LHFPL3: variants seen among roughly 807,000 people sequenced by gnomAD.
LHFPL3 encodes the protein LHFPL tetraspan subfamily member 3 protein.
Under a neutral mutation model 19.3 loss-of-function variants are expected in LHFPL3, and 5 were observed. The ratio of observed to expected loss-of-function variants is 0.26; its 90% CI spans 0.14 to 0.54. The LOEUF (loss-of-function observed/expected upper bound fraction) is 0.54. Among genes scored for constraint, LHFPL3 ranks in the 20% least tolerant of loss-of-function variants. The probability of loss-of-function intolerance (pLI) is 0.94; values close to 1 mark genes in which losing one functional copy is unlikely to be tolerated. For synonymous variants in LHFPL3, 133 were observed against 126.2 expected, an observed-to-expected ratio of 1.05 and a Z score of -0.36; for missense variants, 249 against 307.4, an observed-to-expected ratio of 0.81 and a Z score of 1.42.
chr7:104,855,274 C>G (rs1271270758), intron 2 of LHFPL3, among the ~76,000 whole-genome samples: 2 of 152,132 alleles, frequency 1.3e-5, no homozygotes, highest in African/African-American at 4.8e-5. Context: ...AGCTTAAATC[C>G]TTAGAGAAAT....
chr7:104,489,227 C>T lies in LHFPL3; in HGVS notation c.445+160003C>T, dbSNP rs1174383293. On this transcript the variant is annotated intron_variant, in intron 1 of 2. Transcript: ENST00000424859. The stretch of plus-strand genomic sequence containing the variant: ...CCTCCCAAGTAGCTGGGACTACAGG[C>T]GCCCGCCACTACGCCCGGCTAATTT... Among the ~76,000 whole-genome samples, 10 of 93,554 alleles carry T rather than the reference C, an allele frequency of 1.1e-4. 3 individuals are homozygous for T. Among genetic ancestry groups the T allele is most frequent in the African/African-American group, 2.7e-4 (8 of 29,976 alleles). 61.4% of individuals were successfully genotyped at this position (93,554 alleles called of 152,430 possible).
At chr7:104,698,080 GCT>G (rs780181484) in intron 1 of LHFPL3, among the ~76,000 whole-genome samples, 74 of 152,286 alleles carry the variant, frequency 4.9e-4, no homozygotes, top group Non-Finnish European at 1.0e-3. Flanking sequence ...AGAGGAACGT[GCT>G]CAGCAGTCAG....
At chr7:104,863,398 C>T (rs1374714588) in intron 2 of LHFPL3, among the ~76,000 whole-genome samples, 1 of 152,164 alleles carries the variant, frequency 6.6e-6, no homozygotes, top group Non-Finnish European at 1.5e-5. Flanking sequence ...AATAGCAGCA[C>T]AGTTTAAGCC....
Position 104,666,722 on chromosome 7 carries a change from C to T in LHFPL3, c.446-69953C>T, listed in dbSNP as rs139253039. 5.2e-3 allele frequency among the ~76,000 whole-genome samples: 781 copies of T among 150,874 alleles called. 45 individuals are homozygous for T. The East Asian group carries it at 0.11, about 22-fold the overall frequency. On this transcript the variant is annotated intron_variant, in intron 1 of 2. Transcript: ENST00000424859. Reference sequence around the variant, plus strand: ...ATTTTTAGTACAGACGGGGTTTCACCGTTTTTAGCCGGGATGGTCTCGATC... The same window carrying T: ...ATTTTTAGTACAGACGGGGTTTCACTGTTTTTAGCCGGGATGGTCTCGATC...
intron 2 of LHFPL3, among the ~76,000 whole-genome samples, chr7:104,897,904 T>A (rs751316302): frequency 6.6e-6 from 1 of 150,524 alleles, no homozygotes; most frequent in Non-Finnish European, 1.5e-5. Flanking sequence ...ATAAAGGTAG[T>A]AGAAAAAGAA....
intron 1 of LHFPL3, among the ~76,000 whole-genome samples, chr7:104,700,219 T>C (rs879318628): frequency 1.3e-5 from 2 of 152,190 alleles, no homozygotes; most frequent in Non-Finnish European, 2.9e-5. Context: ...TTTTCTCTTG[T>C]TTCTTCCCAA....
rs78466361 is a variant in LHFPL3 at position 104,426,648 on chromosome 7, G to A, written c.445+97424G>A. Among the ~76,000 whole-genome samples the A allele has an allele frequency of 2.3e-3, 343 of 152,270 alleles. 6 individuals carry two copies. In the East Asian group the frequency reaches 0.046, roughly 20 times the overall value. On this transcript the variant is annotated intron_variant, in intron 1 of 2. Coordinates refer to ENST00000424859, the MANE Select transcript of LHFPL3 (RefSeq NM_199000.3). ...AGGACCCAATAAAGAGAAGTTTAGA[G>A]AATTTAAAAATAGGTTTGTGCCAGG... is the stretch of plus-strand genomic sequence containing the variant.
intron 1 of LHFPL3, among the ~76,000 whole-genome samples, chr7:104,669,905 A>G (rs1271019358): frequency 2.0e-5 from 3 of 152,284 alleles, no homozygotes; most frequent in Non-Finnish European, 4.4e-5. Context: ...ACAGTGATAT[A>G]ACGCCTGGAA....
intron 1 of LHFPL3, among the ~76,000 whole-genome samples, chr7:104,549,328 C>A (rs557584809): frequency 9.9e-5 from 15 of 151,718 alleles, no homozygotes; most frequent in Non-Finnish European, 2.2e-4. Flanking sequence ...ATCAGTGTTA[C>A]GCACATGGTA....
At chr7:104,520,732 C>T (rs1367532203) in intron 1 of LHFPL3, among the ~76,000 whole-genome samples, 7 of 135,962 alleles carry the variant, frequency 5.1e-5, no homozygotes, top group Admixed American at 1.6e-4. Context: ...AGTTTATTTG[C>T]GTAGAGGTGT....
At chr7:104,880,369 T>C (rs1792023841) in intron 2 of LHFPL3, among the ~76,000 whole-genome samples, 1 of 152,228 alleles carries the variant, frequency 6.6e-6, no homozygotes, top group Non-Finnish European at 1.5e-5. Flanking sequence ...GAGATGCTGC[T>C]GCCATGCTTG....
chr7:104,388,853 A>G (rs887432413), intron 1 of LHFPL3, among the ~76,000 whole-genome samples: 1 of 152,130 alleles, frequency 6.6e-6, no homozygotes, highest in Admixed American at 6.5e-5. Context: ...AGTGTTCAAC[A>G]AACTAGAAAT....
At chr7:104,787,360 T>C (rs1211743857) in intron 2 of LHFPL3, among the ~76,000 whole-genome samples, 1 of 152,206 alleles carries the variant, frequency 6.6e-6, no homozygotes, top group East Asian at 1.9e-4. Context: ...GTTATTGTCT[T>C]TCTTCAGGCG....
chr7:104,374,200 A>G (rs1790664010), intron 1 of LHFPL3, among the ~76,000 whole-genome samples: 1 of 149,674 alleles, frequency 6.7e-6, no homozygotes, highest in African/African-American at 2.5e-5. Flanking sequence ...CTATCTATCT[A>G]TCTATATATG....
chr7:104,468,776 A>G (rs1257544449), intron 1 of LHFPL3, among the ~76,000 whole-genome samples: 4 of 150,338 alleles, frequency 2.7e-5, no homozygotes, highest in Non-Finnish European at 5.9e-5. Context: ...CTCCTGCCTC[A>G]GCCTCCCGAG....
chr7:104,848,056 G>A (rs1228677417), intron 2 of LHFPL3, among the ~76,000 whole-genome samples: 1 of 152,172 alleles, frequency 6.6e-6, no homozygotes, highest in Non-Finnish European at 1.5e-5. Context: ...ATGTTCTAAT[G>A]CGCTGGACAA....
chr7:104,645,743 C>T (rs1233716870), intron 1 of LHFPL3, among the ~76,000 whole-genome samples: 2 of 133,634 alleles, frequency 1.5e-5, no homozygotes, highest in African/African-American at 5.6e-5. Context: ...TCACTGCAAG[C>T]TCCGCCTCCC....
At chr7:104,635,189 TAG>T (rs1791709079) in intron 1 of LHFPL3, among the ~76,000 whole-genome samples, 1 of 151,680 alleles carries the variant, frequency 6.6e-6, no homozygotes, top group Non-Finnish European at 1.5e-5. Context: ...GGTAAGAAAA[TAG>T]AGTGTCAATC....
Position 104,328,928 on chromosome 7 carries a change from T to C in LHFPL3, c.149T>C (p.Val50Ala). 6.2e-7 allele frequency: 1 copy of C among 1,614,202 alleles called. No homozygotes were observed. Among genetic ancestry groups the C allele is most frequent in the South Asian group, 1.1e-5 (1 of 91,090 alleles). ...ATCTTCACCATCTGCTTTGCCATCG[T>C]CAACGTGGTGTGCTTCATCCAGCCC... ...WAIFTICFAI[V>A]NVVCFIQPYW... The change falls in exon 1 of 3, where the codon GTC becomes GCC. Residue 50 changes from valine (V) to alanine (A), a missense_variant. Transcript: ENST00000424859. The surrounding 1 kb of genome is among the most constrained non-coding windows in gnomAD (Gnocchi z 4.6).
Sources: allele counts gnomAD v4.1 joint callset (sites outside exome capture counted in the v4.1 genomes callset), GRCh38; gene constraint gnomAD v4.1.1; non-coding constraint Gnocchi (gnomAD v3.1); transcripts MANE v1.5; gene names NCBI Gene and HGNC (gene_info 2026-07-23, HGNC 2026-07-21).